Variants in IL1RAP observed in about 807,000 individuals in gnomAD.
IL1RAP encodes the protein interleukin 1 receptor accessory protein.
In IL1RAP, 35 loss-of-function variants were observed where a neutral mutation model predicts 60.7. The ratio of observed to expected loss-of-function variants is 0.58; its 90% CI spans 0.44 to 0.76. The LOEUF (loss-of-function observed/expected upper bound fraction) is 0.76, where lower values mean the gene tolerates loss of function less well. Among genes scored for constraint, IL1RAP ranks in the 30% least tolerant of loss-of-function variants. The pLI is 0.00. For missense variants in IL1RAP, 572 were observed against 693.9 expected (o/e 0.82, Z 1.97); for synonymous variants, 268 against 250.9 (o/e 1.07, Z -0.64).
At position 190,604,285 on chromosome 3, in the gene IL1RAP, G is replaced by A. The variant is rs1157461236; in HGVS notation, c.222G>A (p.Arg74=). The change falls in exon 4 of 12, where the codon AGG becomes AGA. Residue 74 remains arginine, a synonymous_variant. Coordinates refer to ENST00000447382, the MANE Select transcript of IL1RAP (RefSeq NM_002182.4). ...AGLTLIWYWT[R]QDRDLEEPIN... is the part of the protein sequence containing the mutation. ...TTACTCTGATCTGGTATTGGACTAGGCAGGACCGGGACCTTGAGGAGCCAA... is the reference window on the plus strand; with the variant it reads ...TTACTCTGATCTGGTATTGGACTAGACAGGACCGGGACCTTGAGGAGCCAA... 6.2e-7 allele frequency: 1 copy of A among 1,613,758 alleles called. No homozygotes were observed. Among genetic ancestry groups the A allele is most frequent in the Non-Finnish European group, 8.5e-7 (1 of 1,179,964 alleles).
At chr3:190,554,438 C>A (rs543337142) in intron 1 of IL1RAP, among the ~76,000 whole-genome samples, 1 of 152,210 alleles carries the variant, frequency 6.6e-6, no homozygotes, top group African/African-American at 2.4e-5. Flanking sequence ...AGTGTGCAGA[C>A]CAGCCGGAGG....
At chr3:190,525,839 A>G (rs1472605732) in intron 1 of IL1RAP, among the ~76,000 whole-genome samples, 1 of 152,220 alleles carries the variant, frequency 6.6e-6, no homozygotes, top group Non-Finnish European at 1.5e-5. Context: ...CTATTGCTCA[A>G]TTCAATTCAG....
At chr3:190,583,906 T>C (rs1728218935) in intron 3 of IL1RAP, among the ~76,000 whole-genome samples, 1 of 152,322 alleles carries the variant, frequency 6.6e-6, no homozygotes. Flanking sequence ...TTCACTCTTA[T>C]TTACATATGG....
chr3:190,533,362 T>A (rs911183954), intron 1 of IL1RAP, among the ~76,000 whole-genome samples: 2 of 152,216 alleles, frequency 1.3e-5, no homozygotes, highest in African/African-American at 2.4e-5. Flanking sequence ...AAAAAGGAGT[T>A]TGAATCAAAA....
chr3:190,556,382 A>G (rs1305617202), intron 2 of IL1RAP, among the ~76,000 whole-genome samples, 166 bp downstream of exon 2: 1 of 152,080 alleles, frequency 6.6e-6, no homozygotes, highest in Admixed American at 6.6e-5. Context: ...TTTTTTATAT[A>G]TATATATGTA....
chr3:190,545,055 T>C (rs936489816), intron 1 of IL1RAP, among the ~76,000 whole-genome samples: 11 of 152,228 alleles, frequency 7.2e-5, no homozygotes, highest in Non-Finnish European at 2.9e-5. Context: ...GTATCCATCC[T>C]CTATTTACCT....
intron 10 of IL1RAP, among the ~76,000 whole-genome samples, chr3:190,644,751 A>T (rs1429106636): frequency 6.6e-6 from 1 of 152,174 alleles, no homozygotes; most frequent in Non-Finnish European, 1.5e-5. Flanking sequence ...TTAGCATGCA[A>T]TTAATATTAA....
Position 190,627,317 on chromosome 3 carries a change from T to C in IL1RAP, c.776-6T>C. Reference sequence around the variant, plus strand: ...TTTTTTTTGTTTTTTTGGTTTTTTTTTTCAGGAGAGGAGCTACTCATTCCC... The same window carrying C: ...TTTTTTTTGTTTTTTTGGTTTTTTTCTTCAGGAGAGGAGCTACTCATTCCC... On this transcript the variant is annotated splice_polypyrimidine_tract_variant and splice_region_variant and intron_variant, in intron 7 of 11. Transcript: ENST00000447382. 3 of 1,574,274 alleles carry C rather than the reference T, an allele frequency of 1.9e-6. No homozygotes were observed. Among genetic ancestry groups the C allele is most frequent in the South Asian group, 1.2e-5 (1 of 84,468 alleles).
At chr3:190,608,051 T>C (rs542978176) in intron 4 of IL1RAP, among the ~76,000 whole-genome samples, 53 of 152,366 alleles carry the variant, frequency 3.5e-4, no homozygotes, top group African/African-American at 1.2e-3. Flanking sequence ...ATGCCATTCA[T>C]GCCTCTGCCT....
Position 190,526,968 on chromosome 3 carries a change from C to T in IL1RAP, c.-89+12749C>T, listed in dbSNP as rs1415316529. Among the ~76,000 whole-genome samples the T allele has an allele frequency of 3.9e-5, 6 of 152,236 alleles. No homozygotes were observed. In the East Asian group the frequency reaches 1.2e-3, roughly 29 times the overall value. Reference sequence around the variant, plus strand: ...AGGAAGGAAGGCCAGTTCTGGAGAACAGCATGAGAGCAAAAGGTGCTGTGT... The same window carrying T: ...AGGAAGGAAGGCCAGTTCTGGAGAATAGCATGAGAGCAAAAGGTGCTGTGT... On this transcript the variant is annotated intron_variant, in intron 1 of 11. Coordinates refer to ENST00000447382, the MANE Select transcript of IL1RAP (RefSeq NM_002182.4).
chr3:190,522,437 ATCTATC>A (rs1722160973), intron 1 of IL1RAP, among the ~76,000 whole-genome samples: 1 of 146,774 alleles, frequency 6.8e-6, no homozygotes, highest in Non-Finnish European at 1.5e-5. Context: ...CTATCTATCT[ATCTATC>A]TATCTATCTA....
At chr3:190,633,446 T>G (rs1469801609) in intron 9 of IL1RAP, among the ~76,000 whole-genome samples, 1 of 152,104 alleles carries the variant, frequency 6.6e-6, no homozygotes, top group African/African-American at 2.4e-5. Flanking sequence ...AATCTCCACC[T>G]CCTGAGTTCA....
chr3:190,644,708 C>T (rs1031109195), intron 10 of IL1RAP, among the ~76,000 whole-genome samples: 5 of 151,950 alleles, frequency 3.3e-5, no homozygotes, highest in Admixed American at 6.6e-5. Context: ...GTAAAAATAA[C>T]GAATTGACTA....
chr3:190,602,620 G>T (rs1395436837), intron 3 of IL1RAP, among the ~76,000 whole-genome samples: 1 of 152,120 alleles, frequency 6.6e-6, no homozygotes, highest in Non-Finnish European at 1.5e-5. Flanking sequence ...GTTAAAGAAA[G>T]CTTTTTTACA....
intron 1 of IL1RAP, among the ~76,000 whole-genome samples, chr3:190,540,288 T>C (rs1215337386): frequency 6.6e-6 from 1 of 152,132 alleles, no homozygotes; most frequent in Non-Finnish European, 1.5e-5. Flanking sequence ...CCAAGGTGTC[T>C]TATTACCTTT....
At chr3:190,543,867 A>G (rs1427593635) in intron 1 of IL1RAP, among the ~76,000 whole-genome samples, 1 of 152,106 alleles carries the variant, frequency 6.6e-6, no homozygotes, top group African/African-American at 2.4e-5. Flanking sequence ...GTGTGAGCAA[A>G]TTGCTTTGGG....
intron 4 of IL1RAP, among the ~76,000 whole-genome samples, chr3:190,605,954 A>G (rs1300432025): frequency 1.3e-5 from 2 of 152,162 alleles, no homozygotes; most frequent in Non-Finnish European, 2.9e-5. Flanking sequence ...TTTTTCTCTC[A>G]TGGAGAGTAA....
chr3:190,591,889 TTTA>T (rs533291802), intron 3 of IL1RAP, among the ~76,000 whole-genome samples: 14 of 152,202 alleles, frequency 9.2e-5, no homozygotes, highest in South Asian at 6.2e-4. Flanking sequence ...AGCCTGTTTA[TTTA>T]TTGTCACAAC....
At chr3:190,644,134 T>C in intron 9 of IL1RAP, 114 bp from the exon 10 acceptor site, 2 of 1,462,970 alleles carry the variant, frequency 1.4e-6, no homozygotes, top group Non-Finnish European at 9.0e-7. Flanking sequence ...TGATTGTTCA[T>C]ACATAGGCAG....
Sources: allele counts gnomAD v4.1 joint callset (sites outside exome capture counted in the v4.1 genomes callset), GRCh38; gene constraint gnomAD v4.1.1; transcripts MANE v1.5; gene names NCBI Gene and HGNC (gene_info 2026-07-23, HGNC 2026-07-21).